Variants in SLC44A1 observed in about 807,000 individuals in gnomAD.
SLC44A1 encodes choline transporter-like protein 1.
SLC44A1 carries 26 observed loss-of-function variants against 79.3 expected under a neutral mutation model. The ratio of observed to expected loss-of-function variants is 0.33; its 90% CI spans 0.24 to 0.46. SLC44A1 has a LOEUF of 0.46. SLC44A1 is among the 20% of genes least tolerant of loss of function. SLC44A1 has a pLI of 1.00. For missense variants in SLC44A1, 688 were observed against 798.1 expected, an observed-to-expected ratio of 0.86 and a Z score of 1.66; for synonymous variants, 263 against 286.2, an observed-to-expected ratio of 0.92 and a Z score of 0.82.
At chr9:105,411,452 ATGTGTGTG>A (rs143819316) in intron 15 of SLC44A1, among the ~76,000 whole-genome samples, 1 of 127,550 alleles carries the variant, frequency 7.8e-6, no homozygotes, top group South Asian at 2.6e-4. Flanking sequence ...CTCTCTGTGT[ATGTGTGTG>A]TGTGTGTGTG....
chr9:105,385,411 A>G lies in SLC44A1; in HGVS notation c.1870-11A>G. 2 of 1,563,836 alleles carry G rather than the reference A, an allele frequency of 1.3e-6. No individual in the cohort carries two copies. The highest frequency in any genetic ancestry group is 1.3e-5 in the African/African-American group (1 of 74,372). On this transcript the variant is annotated splice_polypyrimidine_tract_variant and intron_variant, in intron 14 of 15. Transcript: ENST00000374720. Reference sequence around the variant, plus strand: ...CCCAAGAATTTATTCAATATGGTCCATATTTTGCAGGAGTTTGTGGAAAAC... The same window carrying G: ...CCCAAGAATTTATTCAATATGGTCCGTATTTTGCAGGAGTTTGTGGAAAAC...
At chr9:105,296,202 C>T (rs995535553) in intron 1 of SLC44A1, among the ~76,000 whole-genome samples, 4 of 152,118 alleles carry the variant, frequency 2.6e-5, no homozygotes, top group African/African-American at 9.7e-5. Context: ...GTAAGCCACC[C>T]CTCCTCCGCT....
intron 1 of SLC44A1, among the ~76,000 whole-genome samples, chr9:105,249,141 CTT>C (rs1162620963): frequency 1.3e-5 from 2 of 152,298 alleles, no homozygotes; most frequent in African/African-American, 4.8e-5. Flanking sequence ...ATTTAACTGT[CTT>C]TTTGTAGCAC....
chr9:105,383,606 A>C (rs936431124), intron 14 of SLC44A1, among the ~76,000 whole-genome samples: 2 of 152,166 alleles, frequency 1.3e-5, no homozygotes, highest in African/African-American at 4.8e-5. Context: ...AGTTCACCCT[A>C]TTCTTGCTGC....
At chr9:105,398,368 C>T (rs1156270842), downstream of SLC44A1, among the ~76,000 whole-genome samples, 1 of 152,158 alleles carries the variant, frequency 6.6e-6, no homozygotes, top group African/African-American at 2.4e-5. Context: ...AGAGTTGTTA[C>T]AGAATAATCG....
At chr9:105,296,377 C>T (rs1588747375) in intron 1 of SLC44A1, among the ~76,000 whole-genome samples, 1 of 152,140 alleles carries the variant, frequency 6.6e-6, no homozygotes, top group African/African-American at 2.4e-5. Context: ...CAAGTTGAAT[C>T]GACTTGTTGA....
At chr9:105,276,585 TGTGTG>T in intron 1 of SLC44A1, among the ~76,000 whole-genome samples, 1 of 147,442 alleles carries the variant, frequency 6.8e-6, no homozygotes, top group African/African-American at 2.6e-5. Context: ...TGTGTGTGTG[TGTGTG>T]TGTGTGTGTG....
At chr9:105,408,408 G>GTTGTTGTT (rs1048688560) in intron 15 of SLC44A1, among the ~76,000 whole-genome samples, 1 of 152,104 alleles carries the variant, frequency 6.6e-6, no homozygotes, top group African/African-American at 2.4e-5. Context: ...CTCATTTGTT[G>GTTGTTGTT]TTGTTGTTGT....
chr9:105,311,932 T>G, intron 3 of SLC44A1, among the ~76,000 whole-genome samples: 1 of 152,140 alleles, frequency 6.6e-6, no homozygotes, highest in East Asian at 1.9e-4. Context: ...CTCCTGAAAA[T>G]GCATTGGTTT....
Position 105,353,582 on chromosome 9 carries a change from A to AAG in SLC44A1, c.501-2620_501-2619dup, listed in dbSNP as rs572154643. On this transcript the variant is annotated intron_variant, in intron 5 of 15. Coordinates refer to ENST00000374720, the MANE Select transcript of SLC44A1 (RefSeq NM_080546.5). ...CTTTCAGCTAACCAATGGAGAAAGT[A>AAG]AGAGAGAGAGATGGAGTTACAGGCA... Among the ~76,000 whole-genome samples the AAG allele has an allele frequency of 3.8e-4, 58 of 152,276 alleles. No homozygotes were observed. The South Asian group carries it at 4.6e-3, about 12-fold the overall frequency.
At chr9:105,413,333 A>T (rs1829121918) in intron 15 of SLC44A1, among the ~76,000 whole-genome samples, 1 of 152,176 alleles carries the variant, frequency 6.6e-6, no homozygotes, top group Non-Finnish European at 1.5e-5. Context: ...GTCGTATGAC[A>T]TAGTTCTGCC....
Position 105,390,919 on chromosome 9 carries a change from TTC to T in SLC44A1, c.*1867_*1868del. ...CTAGTATCACCAAACAGTATCGCTG[TTC>T]TCTTTTATTCATTTGAAATGAATAT... On this transcript the variant is annotated 3_prime_UTR_variant, in exon 16 of 16. Coordinates refer to ENST00000374720, the MANE Select transcript of SLC44A1 (RefSeq NM_080546.5). 1 of 981,362 alleles carries T rather than the reference TTC, an allele frequency of 1.0e-6. No homozygotes were observed. The highest frequency in any genetic ancestry group is 1.2e-6 in the Non-Finnish European group (1 of 825,924). The allele number at this position is 981,362 out of a possible 1,614,324, so 60.8% of individuals were successfully genotyped here. A position where few individuals can be genotyped will look rare whatever the true frequency, so the allele number is the denominator to read the frequency against.
chr9:105,292,353 G>A (rs1444755704), intron 1 of SLC44A1, among the ~76,000 whole-genome samples: 3 of 152,142 alleles, frequency 2.0e-5, no homozygotes, highest in Non-Finnish European at 2.9e-5. Context: ...AGAAAACAAA[G>A]GAAGATATTT....
At chr9:105,398,379 T>C (rs1160147942), downstream of SLC44A1, among the ~76,000 whole-genome samples, 1 of 152,202 alleles carries the variant, frequency 6.6e-6, no homozygotes, top group East Asian at 1.9e-4. Flanking sequence ...AGAATAATCG[T>C]GAGGAGTCTT....
chr9:105,371,189 A>G (rs1372322889), intron 12 of SLC44A1, among the ~76,000 whole-genome samples: 1 of 152,222 alleles, frequency 6.6e-6, no homozygotes, highest in Non-Finnish European at 1.5e-5. Flanking sequence ...ATTTCCAGTA[A>G]GAGGGTGGGT....
rs1239813069 is a variant in SLC44A1 at position 105,365,471 on chromosome 9, T to A, written c.1254-12T>A. On this transcript the variant is annotated splice_polypyrimidine_tract_variant and intron_variant, in intron 10 of 15. Transcript: ENST00000374720. ...TTTGTTTTAATTGTCTTTTTGGTCATTTTTTAAATAGGGATAAAAGGAATT... is the reference window on the plus strand; with the variant it reads ...TTTGTTTTAATTGTCTTTTTGGTCAATTTTTAAATAGGGATAAAAGGAATT... 1 of 1,605,080 alleles carries A rather than the reference T, an allele frequency of 6.2e-7. No homozygotes were observed. Among genetic ancestry groups the A allele is most frequent in the Non-Finnish European group, 8.5e-7 (1 of 1,173,770 alleles).
chr9:105,300,835 GTGT>G (rs1401192015), intron 2 of SLC44A1, among the ~76,000 whole-genome samples: 4 of 151,428 alleles, frequency 2.6e-5, no homozygotes, highest in African/African-American at 9.8e-5. Flanking sequence ...GGAGTGCATG[GTGT>G]GATCTCGGCT....
In SLC44A1 at chr9:105,309,748, G is replaced by A. The variant is rs1831127355; in HGVS notation, c.151G>A (p.Ala51Thr). 6.8e-6 allele frequency: 11 copies of A among 1,613,752 alleles called. No homozygotes were observed. The highest frequency in any genetic ancestry group is 9.3e-6 in the Non-Finnish European group (11 of 1,179,754). ...GGGATTTATTTGTGGCTTTTCAATA[G>A]CAACAGGTGCAGCAGCAAGACTAGT... Reference protein sequence around the residue: ...GMGFICGFSIATGAAARLVSG... With the variant: ...GMGFICGFSITTGAAARLVSG... The change falls in exon 3 of 16, where the codon GCA (alanine) becomes ACA (threonine). Residue 51 changes from alanine to threonine, a missense_variant. Ala to Thr is a moderately conservative substitution (Grantham distance 58). Coordinates refer to ENST00000374720, the MANE Select transcript of SLC44A1 (RefSeq NM_080546.5).
intron 9 of SLC44A1, among the ~76,000 whole-genome samples, chr9:105,363,716 C>T (rs1302565178): frequency 6.6e-6 from 1 of 151,340 alleles, no homozygotes; most frequent in East Asian, 2.0e-4. Flanking sequence ...CCATCCACCT[C>T]GGCCTCCCAA....
Sources: allele counts gnomAD v4.1 joint callset (sites outside exome capture counted in the v4.1 genomes callset), GRCh38; gene constraint gnomAD v4.1.1; transcripts MANE v1.5; gene names NCBI Gene and HGNC (gene_info 2026-07-23, HGNC 2026-07-21).